The following SOWAHA variants were observed in gnomAD, a reference collection of about 807,000 sequenced individuals.
The protein encoded by SOWAHA is sosondowah ankyrin repeat domain family member A.
A neutral mutation model predicts 21.1 loss-of-function variants in SOWAHA; 17 were observed. The observed-to-expected ratio is 0.80, with a 90% confidence interval of 0.55 to 1.21. The LOEUF (loss-of-function observed/expected upper bound fraction) is 1.21. Among genes scored for constraint, SOWAHA ranks in the 50% most tolerant of loss-of-function variants. The probability of loss-of-function intolerance (pLI) is 0.00; values close to 1 mark genes in which losing one functional copy is unlikely to be tolerated. For missense variants in SOWAHA, 862 were observed against 816.0 expected, an observed-to-expected ratio of 1.06 and a Z score of -0.69; for synonymous variants, 422 against 397.1, an observed-to-expected ratio of 1.06 and a Z score of -0.75.
At position 132,814,192 on chromosome 5, in the gene SOWAHA, G is replaced by C. The variant is rs758197852; in HGVS notation, c.571G>C (p.Ala191Pro). 2 of 1,594,504 alleles carry C rather than the reference G, an allele frequency of 1.3e-6. No homozygotes were observed. Among genetic ancestry groups the C allele is most frequent in the African/African-American group, 1.3e-5 (1 of 74,596 alleles). Residue 191 changes from alanine (A) to proline (P), a missense_variant, in exon 1 of 1, where the codon GCG becomes CCG. By Grantham distance (27) the Ala-to-Pro change is conservative (BLOSUM62 -1). Coordinates refer to ENST00000378693, the MANE Select transcript of SOWAHA (RefSeq NM_175873.6). Reference protein sequence around the residue: ...AAPPPRAPSEAASPCSDPPDA... With the variant: ...AAPPPRAPSEPASPCSDPPDA... Reference sequence around the variant, plus strand: ...CCCACCGCCTAGGGCCCCTTCTGAGGCGGCATCGCCCTGCTCTGATCCGCC... The same window carrying C: ...CCCACCGCCTAGGGCCCCTTCTGAGCCGGCATCGCCCTGCTCTGATCCGCC...
Position 132,814,451 on chromosome 5 carries a change from ACCTGAGGCG to A in SOWAHA, c.835_843del (p.Arg279_Leu281del). 1 of 1,458,126 alleles carries A rather than the reference ACCTGAGGCG, an allele frequency of 6.9e-7. No homozygotes were observed. Among genetic ancestry groups the A allele is most frequent in the Non-Finnish European group, 9.0e-7 (1 of 1,113,368 alleles). 90.3% of individuals were successfully genotyped at this position (1,458,126 alleles called of 1,614,324 possible). On this transcript the variant is annotated inframe_deletion, in exon 1 of 1. Transcript: ENST00000378693. ...GGCCTGGGCCCGGGCCGCTCCCCGC[ACCTGAGGCG>A]CCTGTCGCGCGCCGGCCCGCGTCTG...
Position 132,815,018 on chromosome 5 carries a change from A to G in SOWAHA, c.1397A>G (p.Gln466Arg). Residue 466 changes from glutamine to arginine, a missense_variant, in exon 1 of 1, where the codon CAG becomes CGG. Coordinates refer to ENST00000378693, the MANE Select transcript of SOWAHA (RefSeq NM_175873.6). ...AGTCTTGCTGCCAGGCGCCCCGTAC[A>G]GGTGGCCGCCACCATCCTCAGTTCC... is the stretch of plus-strand genomic sequence containing the variant. ...SGSLAARRPVQVAATILSSTT... is the reference protein window; with the variant it reads ...SGSLAARRPVRVAATILSSTT... 1 of 1,602,594 alleles carries G rather than the reference A, an allele frequency of 6.2e-7. No individual in the cohort carries two copies. Among genetic ancestry groups the G allele is most frequent in the Admixed American group, 1.7e-5 (1 of 58,630 alleles).
rs1758357458 is a variant in SOWAHA, at chr5:132,814,616, T to C, written c.995T>C (p.Leu332Pro). 6.6e-7 allele frequency: 1 copy of C among 1,519,326 alleles called. No individual in the cohort carries two copies. Among genetic ancestry groups the C allele is most frequent in the Non-Finnish European group, 8.8e-7 (1 of 1,140,916 alleles). 94.1% of individuals were successfully genotyped at this position (1,519,326 alleles called of 1,614,324 possible). ...RWTHQLHGLL[L>P]RDRGLAAKRD... ...ACCCACCAGCTGCACGGGCTGCTGC[T>C]GCGCGACCGCGGCTTGGCGGCCAAG... Residue 332 changes from leucine to proline, a missense_variant, in exon 1 of 1, where the codon CTG becomes CCG. Leu to Pro is a moderately conservative substitution (Grantham distance 98). Transcript: ENST00000378693.
rs994998029 is a variant in SOWAHA at position 132,814,806 on chromosome 5, C to A, written c.1185C>A (p.His395Gln). Residue 395 changes from histidine to glutamine, a missense_variant, in exon 1 of 1, where the codon CAC (histidine) becomes CAA (glutamine). Transcript: ENST00000378693. ...CGCCGCTGCACCTGGCTGCACTGCA[C>A]GGCCACGAGGACGCTGCCGTGCTGC... is the stretch of plus-strand genomic sequence containing the variant. ...GYTPLHLAAL[H>Q]GHEDAAVLLV... The A allele has an allele frequency of 1.3e-6, 2 of 1,525,302 alleles. No individual in the cohort carries two copies. Among genetic ancestry groups the A allele is most frequent in the South Asian group, 2.4e-5 (2 of 82,928 alleles). 94.5% of individuals were successfully genotyped at this position (1,525,302 alleles called of 1,614,324 possible).
At position 132,814,268 on chromosome 5, in the gene SOWAHA, C is replaced by T. The variant is rs1309943681; in HGVS notation, c.647C>T (p.Pro216Leu). ...GAAKGPPQQK[P>L]CMLPVRCVPA... The stretch of plus-strand genomic sequence containing the variant: ...GCGAAAGGGCCGCCGCAGCAGAAGC[C>T]CTGTATGCTGCCGGTGCGCTGCGTC... Residue 216 changes from proline to leucine, a missense_variant, in exon 1 of 1, where the codon CCC (proline) becomes CTC (leucine). Transcript: ENST00000378693. The T allele has an allele frequency of 6.6e-7, 1 of 1,518,750 alleles. No individual in the cohort carries two copies. The highest frequency in any genetic ancestry group is 1.2e-5 in the South Asian group (1 of 82,862). 94.1% of individuals were successfully genotyped at this position (1,518,750 alleles called of 1,614,324 possible). A position where few individuals can be genotyped will look rare whatever the true frequency, so the allele number is the denominator to read the frequency against.
chr5:132,816,225 T>C lies in SOWAHA; in HGVS notation c.*954T>C, dbSNP rs1009333694. The C allele has an allele frequency of 6.0e-6, 1 of 167,102 alleles. No individual in the cohort carries two copies. Among genetic ancestry groups the C allele is most frequent in the East Asian group, 1.9e-4 (1 of 5,208 alleles). 10.4% of individuals were successfully genotyped at this position (167,102 alleles called of 1,614,324 possible). ...CATGTTTCTGAATCTGGTTTTCAAA[T>C]CCAGTGGAGCCTTTCAGTGAAATAG... On this transcript the variant is annotated 3_prime_UTR_variant, in exon 1 of 1. Transcript: ENST00000378693.
In SOWAHA at chr5:132,815,247, G is replaced by A; in HGVS notation, c.1626G>A (p.Val542=). 3 of 1,611,038 alleles carry A rather than the reference G, an allele frequency of 1.9e-6. No individual in the cohort carries two copies. The highest frequency in any genetic ancestry group is 2.7e-5 in the African/African-American group (2 of 75,012). ...CTCCGGGGCCTTTAGCTGGTCTAGT[G>A]CCCAGTTTGCCTCCAACAACCTGAA... The part of the protein sequence containing the change: ...RPTPGPLAGL[V]PSLPPTT The change falls in exon 1 of 1, where the codon GTG becomes GTA. Residue 542 remains valine (V), a synonymous_variant. Transcript: ENST00000378693.
In SOWAHA at chr5:132,814,924, C is replaced by T; in HGVS notation, c.1303C>T (p.Arg435Cys). ...YLRPGSSYAL[R>C]RLLGDPGLRG... ...GCGGCCCGGCTCCTCGTACGCGCTGCGCCGCCTTCTTGGCGATCCAGGCCT... is the reference window on the plus strand; with the variant it reads ...GCGGCCCGGCTCCTCGTACGCGCTGTGCCGCCTTCTTGGCGATCCAGGCCT... Residue 435 changes from arginine to cysteine, a missense_variant, in exon 1 of 1, where the codon CGC becomes TGC. By Grantham distance (180) the Arg-to-Cys change is radical. Coordinates refer to ENST00000378693, the MANE Select transcript of SOWAHA (RefSeq NM_175873.6). 1.3e-6 allele frequency: 2 copies of T among 1,554,698 alleles called. No individual in the cohort carries two copies. Among genetic ancestry groups the T allele is most frequent in the Non-Finnish European group, 8.7e-7 (1 of 1,151,126 alleles).
At position 132,814,950 on chromosome 5, in the gene SOWAHA, G is replaced by A. The variant is rs1241863287; in HGVS notation, c.1329G>A (p.Leu443=). Residue 443 remains leucine, a synonymous_variant, in exon 1 of 1, where the codon CTG becomes CTA. Transcript: ENST00000378693. ...GCCGCCTTCTTGGCGATCCAGGCCT[G>A]CGAGGCACCACGGAGCCAGATGCGA... ...ALRRLLGDPG[L]RGTTEPDATG... 6.3e-7 allele frequency: 1 copy of A among 1,575,524 alleles called. No homozygotes were observed. The highest frequency in any genetic ancestry group is 1.3e-5 in the African/African-American group (1 of 74,198).
In SOWAHA at chr5:132,814,989, T is replaced by TGGCA. The variant is rs1436566240; in HGVS notation, c.1370_1373dup (p.Ser458ArgfsTer29). ...AGCCAGATGCGACCGGTGGTGGAAG[T>TGGCA]GGCAGTCTTGCTGCCAGGCGCCCCG... On this transcript the variant is annotated frameshift_variant, in exon 1 of 1. Coordinates refer to ENST00000378693, the MANE Select transcript of SOWAHA (RefSeq NM_175873.6). LOFTEE classifies it high-confidence loss of function. The TGGCA allele has an allele frequency of 6.3e-6, 10 of 1,595,342 alleles. No individual in the cohort carries two copies. Among genetic ancestry groups the TGGCA allele is most frequent in the Non-Finnish European group, 8.5e-6 (10 of 1,171,738 alleles).
chr5:132,813,832 C>A lies in SOWAHA; in HGVS notation c.211C>A (p.Leu71Ile), dbSNP rs1216727265. The change falls in exon 1 of 1, where the codon CTC becomes ATC. Residue 71 changes from leucine (L) to isoleucine (I), a missense_variant. Transcript: ENST00000378693. ...FVNNVAVVKELDGVKFVVLRK... is the reference protein window; with the variant it reads ...FVNNVAVVKEIDGVKFVVLRK... ...CAACAACGTGGCGGTGGTGAAGGAG[C>A]TCGACGGCGTCAAGTTCGTGGTGCT... 2.6e-5 allele frequency: 41 copies of A among 1,549,414 alleles called. No homozygotes were observed. Among genetic ancestry groups the A allele is most frequent in the Non-Finnish European group, 3.5e-5 (40 of 1,146,354 alleles).
chr5:132,815,831 G>A lies in SOWAHA; in HGVS notation c.*560G>A, dbSNP rs1350666966. ...CAATTTTTTTTTTGCTAAATACTTT[G>A]GAATTCTATTTAAAAAATAGATGAT... On this transcript the variant is annotated 3_prime_UTR_variant, in exon 1 of 1. Coordinates refer to ENST00000378693, the MANE Select transcript of SOWAHA (RefSeq NM_175873.6). 6.0e-6 allele frequency: 1 copy of A among 166,222 alleles called. No homozygotes were observed. The highest frequency in any genetic ancestry group is 1.5e-5 in the Non-Finnish European group (1 of 68,038). The allele number at this position is 166,222 out of a possible 1,614,324, so 10.3% of individuals were successfully genotyped here.
Position 132,815,504 on chromosome 5 carries a change from G to C in SOWAHA, c.*233G>C, listed in dbSNP as rs988065945. 14 of 478,416 alleles carry C rather than the reference G, an allele frequency of 2.9e-5. No individual in the cohort carries two copies. The highest frequency in any genetic ancestry group is 4.6e-5 in the Non-Finnish European group (12 of 260,112). The allele number at this position is 478,416 out of a possible 1,614,324, so 29.6% of individuals were successfully genotyped here. On this transcript the variant is annotated 3_prime_UTR_variant, in exon 1 of 1. Coordinates refer to ENST00000378693, the MANE Select transcript of SOWAHA (RefSeq NM_175873.6). ...GAGAGCTTCCTATAAAGAACTCCAG[G>C]AGACAGGCCTGAACTCTAGAGGGAA... is the stretch of plus-strand genomic sequence containing the variant.
At position 132,815,369 on chromosome 5, in the gene SOWAHA, T is replaced by C. The variant is rs896145771; in HGVS notation, c.*98T>C. The C allele has an allele frequency of 5.3e-6, 6 of 1,139,514 alleles. No homozygotes were observed. The highest frequency in any genetic ancestry group is 5.5e-5 in the Admixed American group (2 of 36,484). The allele number at this position is 1,139,514 out of a possible 1,614,324, so 70.6% of individuals were successfully genotyped here. On this transcript the variant is annotated 3_prime_UTR_variant, in exon 1 of 1. Coordinates refer to ENST00000378693, the MANE Select transcript of SOWAHA (RefSeq NM_175873.6). The stretch of plus-strand genomic sequence containing the variant: ...AGCCCAATCAACGCCTGGAGCCTCA[T>C]TCTGTTTCCAGCTTTGTCCAGGGCA...
In SOWAHA at chr5:132,815,371, C is replaced by G; in HGVS notation, c.*100C>G. ...CCCAATCAACGCCTGGAGCCTCATT[C>G]TGTTTCCAGCTTTGTCCAGGGCAGC... On this transcript the variant is annotated 3_prime_UTR_variant, in exon 1 of 1. Coordinates refer to ENST00000378693, the MANE Select transcript of SOWAHA (RefSeq NM_175873.6). The G allele has an allele frequency of 2.7e-6, 3 of 1,113,654 alleles. No individual in the cohort carries two copies. In the South Asian group the frequency reaches 4.9e-5, roughly 18 times the overall value. The allele number at this position is 1,113,654 out of a possible 1,614,324, so 69.0% of individuals were successfully genotyped here.
rs1401187780 is a variant in SOWAHA, at chr5:132,814,338, G to C, written c.717G>C (p.Leu239=). The change falls in exon 1 of 1, where the codon CTG becomes CTC. Residue 239 remains leucine (L), a synonymous_variant. Transcript: ENST00000378693. ...GCCTCCGGGCGGAGGAGCCCGGCCT[G>C]CGCCGGCAGCTGTCGGAGGAGCCGA... ...TLRLRAEEPG[L]RRQLSEEPSP... is the part of the protein sequence containing the mutation. 6.7e-7 allele frequency: 1 copy of C among 1,483,880 alleles called. No homozygotes were observed. Among genetic ancestry groups the C allele is most frequent in the East Asian group, 2.8e-5 (1 of 35,858 alleles). The allele number at this position is 1,483,880 out of a possible 1,614,324, so 91.9% of individuals were successfully genotyped here. A position where few individuals can be genotyped will look rare whatever the true frequency, so the allele number is the denominator to read the frequency against.
Position 132,814,736 on chromosome 5 carries a change from G to A in SOWAHA, c.1115G>A (p.Ser372Asn). 6.6e-7 allele frequency: 1 copy of A among 1,524,302 alleles called. No homozygotes were observed. Among genetic ancestry groups the A allele is most frequent in the Non-Finnish European group, 8.8e-7 (1 of 1,140,532 alleles). 94.4% of individuals were successfully genotyped at this position (1,524,302 alleles called of 1,614,324 possible). The change falls in exon 1 of 1, where the codon AGT becomes AAT. Residue 372 changes from serine (S) to asparagine (N), a missense_variant. Physicochemically the swap from Ser to Asn is conservative, Grantham distance 46 (BLOSUM62 1). Coordinates refer to ENST00000378693, the MANE Select transcript of SOWAHA (RefSeq NM_175873.6). ...CAGCTGGTGGAGGTCGCGCGGCGCA[G>A]TGGCGCACCAGTCGACGTGAACGCA... ...ALQLVEVARR[S>N]GAPVDVNARS...
Position 132,814,028 on chromosome 5 carries a change from G to A in SOWAHA, c.407G>A (p.Gly136Asp). Residue 136 changes from glycine to aspartate, a missense_variant, in exon 1 of 1, where the codon GGT becomes GAT. Transcript: ENST00000378693. ...PRPVEPPGDLGLPTEPQDTPG... is the reference protein window; with the variant it reads ...PRPVEPPGDLDLPTEPQDTPG... The stretch of plus-strand genomic sequence containing the variant: ...CCAGTGGAGCCGCCAGGGGACCTGG[G>A]TCTGCCAACAGAGCCACAGGACACC... 6.5e-7 allele frequency: 1 copy of A among 1,549,088 alleles called. No individual in the cohort carries two copies. The highest frequency in any genetic ancestry group is 8.7e-7 in the Non-Finnish European group (1 of 1,151,472).
rs2150021605 is a variant in SOWAHA at position 132,813,831 on chromosome 5, G to C, written c.210G>C (p.Glu70Asp). Reference sequence around the variant, plus strand: ...TCAACAACGTGGCGGTGGTGAAGGAGCTCGACGGCGTCAAGTTCGTGGTGC... The same window carrying C: ...TCAACAACGTGGCGGTGGTGAAGGACCTCGACGGCGTCAAGTTCGTGGTGC... ...QFVNNVAVVKELDGVKFVVLR... is the reference protein window; with the variant it reads ...QFVNNVAVVKDLDGVKFVVLR... The change falls in exon 1 of 1, where the codon GAG (glutamate) becomes GAC (aspartate). Residue 70 changes from glutamate to aspartate, a missense_variant. Coordinates refer to ENST00000378693, the MANE Select transcript of SOWAHA (RefSeq NM_175873.6). 1 of 1,549,416 alleles carries C rather than the reference G, an allele frequency of 6.5e-7. No homozygotes were observed. The highest frequency in any genetic ancestry group is 2.4e-5 in the East Asian group (1 of 40,828).
Sources: gnomAD v4.1 joint callset for allele counts on GRCh38, gnomAD v4.1.1 for gene constraint, MANE v1.5 for transcripts, NCBI Gene and HGNC (gene_info 2026-07-23, HGNC 2026-07-21) for gene names.